ZNF234: variants seen among roughly 807,000 people sequenced by gnomAD.
ZNF234 encodes C2-H2 type zinc finger protein.
ZNF234 carries 4 observed loss-of-function variants against 10.3 expected under a neutral mutation model. The observed-to-expected ratio is 0.39, with a 90% confidence interval of 0.19 to 0.89. ZNF234 has a LOEUF of 0.89. Ranked by LOEUF, ZNF234 falls within the 40% of genes least tolerant of loss-of-function variation. ZNF234 has a pLI of 0.38. For synonymous variants in ZNF234, 258 were observed against 280.1 expected (o/e 0.92, Z 0.79); for missense variants, 711 against 836.1 (o/e 0.85, Z 1.85).
At position 44,151,137 on chromosome 19, in the gene ZNF234, G is replaced by A. The variant is rs557200347; in HGVS notation, c.235+632G>A. On this transcript the variant is annotated intron_variant, in intron 5 of 5. Coordinates refer to ENST00000426739, the MANE Select transcript of ZNF234 (RefSeq NM_006630.3). ...TGGTCTGCTGTTCATCCTCCTCTGC[G>A]TCTCTGACTACATCTCCTGTATTCT... Among the ~76,000 whole-genome samples, 7 of 151,972 alleles carry A rather than the reference G, an allele frequency of 4.6e-5. No individual in the cohort carries two copies. The South Asian group carries it at 8.3e-4, about 18-fold the overall frequency.
rs1968665642 is a variant in ZNF234, at chr19:44,148,849, C to T, written c.94C>T (p.Leu32=). ...LGLLDPVQRN[L]YQDVMLENFR... ...GCTGCTGGACCCTGTCCAGAGGAAT[C>T]TGTACCAAGATGTGATGCTGGAGAA... Residue 32 remains leucine, a synonymous_variant, in exon 4 of 6, where the codon CTG becomes TTG. Transcript: ENST00000426739. 1 of 1,614,006 alleles carries T rather than the reference C, an allele frequency of 6.2e-7. No individual in the cohort carries two copies. The highest frequency in any genetic ancestry group is 8.5e-7 in the Non-Finnish European group (1 of 1,179,926).
intron 5 of ZNF234, among the ~76,000 whole-genome samples, chr19:44,151,403 A>G (rs1599698053): frequency 1.3e-5 from 2 of 152,112 alleles, no homozygotes; most frequent in East Asian, 1.9e-4. Flanking sequence ...GGGTTTCACC[A>G]TGTTGGCCAG....
At position 44,158,044 on chromosome 19, in the gene ZNF234, T is replaced by G. The variant is rs748383236; in HGVS notation, c.2028T>G (p.Ala676=). The change falls in exon 6 of 6, where the codon GCT becomes GCG. Residue 676 remains alanine (A), a synonymous_variant. Coordinates refer to ENST00000426739, the MANE Select transcript of ZNF234 (RefSeq NM_006630.3). ...NLVSHHKIHA[A]GTFYENDENS... is the part of the protein sequence containing the mutation. Reference sequence around the variant, plus strand: ...TAAGTCATCACAAAATTCATGCTGCTGGTACATTTTATGAAAATGATGAGA... The same window carrying G: ...TAAGTCATCACAAAATTCATGCTGCGGGTACATTTTATGAAAATGATGAGA... 6.2e-7 allele frequency: 1 copy of G among 1,613,616 alleles called. No individual in the cohort carries two copies. The highest frequency in any genetic ancestry group is 1.1e-5 in the South Asian group (1 of 91,062).
intron 3 of ZNF234, among the ~76,000 whole-genome samples, chr19:44,145,291 G>A (rs1968562952): frequency 6.6e-6 from 1 of 151,828 alleles, no homozygotes; most frequent in African/African-American, 2.4e-5. Flanking sequence ...ATTTTTTGAG[G>A]TTATGCCATA....
intron 3 of ZNF234, 29 bp from the exon 4 acceptor site, chr19:44,148,742 G>T (rs748638862): frequency 6.2e-7 from 1 of 1,611,920 alleles, no homozygotes; most frequent in Admixed American, 1.7e-5. Flanking sequence ...TGTTAAAAAG[G>T]CTGAAGTAAG....
At chr19:44,145,055 G>A (rs149093676) in intron 3 of ZNF234, among the ~76,000 whole-genome samples, 1 of 152,098 alleles carries the variant, frequency 6.6e-6, no homozygotes, top group African/African-American at 2.4e-5. Flanking sequence ...GTATCCTCAG[G>A]GGTCCTTGAA....
Position 44,157,190 on chromosome 19 carries a change from G to C in ZNF234, c.1174G>C (p.Gly392Arg). The change falls in exon 6 of 6, where the codon GGA becomes CGA. Residue 392 changes from glycine (G) to arginine (R), a missense_variant. Gly to Arg is a moderately radical substitution (Grantham distance 125). Coordinates refer to ENST00000426739, the MANE Select transcript of ZNF234 (RefSeq NM_006630.3). ...IYSSSFQAHQ[G>R]VHTGEKPYKC... is the part of the protein sequence containing the mutation. ...CAGTTCAAGTTTTCAGGCCCATCAG[G>C]GAGTCCACACTGGAGAGAAGCCATA... 1 of 1,614,084 alleles carries C rather than the reference G, an allele frequency of 6.2e-7. No individual in the cohort carries two copies. Among genetic ancestry groups the C allele is most frequent in the Non-Finnish European group, 8.5e-7 (1 of 1,180,024 alleles).
intron 3 of ZNF234, among the ~76,000 whole-genome samples, chr19:44,145,772 A>G (rs142838931): frequency 6.6e-6 from 1 of 152,352 alleles, no homozygotes; most frequent in East Asian, 1.9e-4. Context: ...GAGTTTTCAT[A>G]TAGGAAGAGC....
chr19:44,151,274 C>T (rs1968738189), intron 5 of ZNF234, among the ~76,000 whole-genome samples: 1 of 152,096 alleles, frequency 6.6e-6, no homozygotes, highest in Non-Finnish European at 1.5e-5. Context: ...GCAATCTCAG[C>T]TCACTGCCAC....
rs1968909428 is a variant in ZNF234 at position 44,157,163 on chromosome 19, TA to T, written c.1148del (p.Tyr383SerfsTer29). On this transcript the variant is annotated frameshift_variant, in exon 6 of 6. Transcript: ENST00000426739. LOFTEE classifies it low-confidence loss of function (END_TRUNC). ...TAAAGTGTGTGGTAAGGGTTTCATT[TA>T]CAGTTCAAGTTTTCAGGCCCATCAG... ...VCKVCGKGFI[Y>X]SSSFQAHQGV... 1 of 1,613,856 alleles carries T rather than the reference TA, an allele frequency of 6.2e-7. No individual in the cohort carries two copies. Among genetic ancestry groups the T allele is most frequent in the Admixed American group, 1.7e-5 (1 of 59,982 alleles).
chr19:44,150,605 T>G, intron 5 of ZNF234, 100 bp downstream of exon 5: 4 of 897,846 alleles, frequency 4.5e-6, no homozygotes, highest in Middle Eastern at 2.2e-4. Context: ...GCCAAACCTC[T>G]GTCCTGGATG....
chr19:44,146,338 G>A (rs979021350), intron 3 of ZNF234, among the ~76,000 whole-genome samples: 1 of 152,198 alleles, frequency 6.6e-6, no homozygotes, highest in East Asian at 1.9e-4. Context: ...TATATACCCA[G>A]TAATGAGATG....
chr19:44,156,892 A>G lies in ZNF234; in HGVS notation c.876A>G (p.Thr292=), dbSNP rs1449592048. ...GGGAGAAACCATTCAAATGTGATAC[A>G]TGTGGTAAGAACTTCCGTCGTAGAT... ...HTGEKPFKCD[T]CGKNFRRRSA... is the part of the protein sequence containing the mutation. Residue 292 remains threonine, a synonymous_variant, in exon 6 of 6, where the codon ACA becomes ACG. Coordinates refer to ENST00000426739, the MANE Select transcript of ZNF234 (RefSeq NM_006630.3). 1.2e-6 allele frequency: 2 copies of G among 1,613,850 alleles called. No individual in the cohort carries two copies. The highest frequency in any genetic ancestry group is 2.2e-5 in the East Asian group (1 of 44,872).
At chr19:44,150,837 C>T (rs991245550) in intron 5 of ZNF234, among the ~76,000 whole-genome samples, 2 of 151,970 alleles carry the variant, frequency 1.3e-5, no homozygotes, top group African/African-American at 4.8e-5. Context: ...AGTTTGAGAC[C>T]AGCCTGGCTA....
intron 3 of ZNF234, among the ~76,000 whole-genome samples, chr19:44,146,474 C>T (rs1968595317): frequency 6.6e-6 from 1 of 152,154 alleles, no homozygotes. Flanking sequence ...TTCATTCAAC[C>T]TCTGCACCCT....
At position 44,159,716 on chromosome 19, in the gene ZNF234, G is replaced by A. The variant is rs749711633; in HGVS notation, c.*1597G>A. ...CCATCCAGACTTTGACATGATTGCC[G>A]TCTAATAACTGTAGCATTCTCTTAT... On this transcript the variant is annotated 3_prime_UTR_variant, in exon 6 of 6. Coordinates refer to ENST00000426739, the MANE Select transcript of ZNF234 (RefSeq NM_006630.3). 6.3e-5 allele frequency: 26 copies of A among 415,112 alleles called. No individual in the cohort carries two copies. The highest frequency in any genetic ancestry group is 2.0e-4 in the South Asian group (12 of 61,054). 25.7% of individuals were successfully genotyped at this position (415,112 alleles called of 1,614,324 possible). A position where few individuals can be genotyped will look rare whatever the true frequency, so the allele number is the denominator to read the frequency against.
At chr19:44,153,177 T>TATATATATATATATATAC (rs1357658437) in intron 5 of ZNF234, among the ~76,000 whole-genome samples, 67 of 143,660 alleles carry the variant, frequency 4.7e-4, no homozygotes, top group African/African-American at 1.7e-3. Context: ...TATATATATA[T>TATATATATATATATATAC]ATATATATAT....
chr19:44,154,628 CTTTTTTTTTTT>C (rs779013573), intron 5 of ZNF234, among the ~76,000 whole-genome samples: 1,754 of 102,426 alleles, frequency 0.017, 32 homozygotes, highest in African/African-American at 0.064. Flanking sequence ...TTCTCTTTTT[CTTTTTTTTTTT>C]TTTTTTTTTT....
chr19:44,154,100 A>G (rs1968812529), intron 5 of ZNF234, among the ~76,000 whole-genome samples: 1 of 152,166 alleles, frequency 6.6e-6, no homozygotes, highest in Admixed American at 6.5e-5. Flanking sequence ...ATTATTTTTC[A>G]ATGAGTAATA....
Sources: gnomAD v4.1 joint callset for allele counts (sites outside exome capture counted in the v4.1 genomes callset) on GRCh38, gnomAD v4.1.1 for gene constraint, MANE v1.5 for transcripts, NCBI Gene and HGNC (gene_info 2026-07-23, HGNC 2026-07-21) for gene names.